DCUN1D5: variants seen among roughly 807,000 people sequenced by gnomAD.
DCUN1D5 encodes DCN1-like protein 5.
A neutral mutation model predicts 38.3 loss-of-function variants in DCUN1D5; 10 were observed. The observed-to-expected ratio is 0.26, with a 90% confidence interval of 0.16 to 0.44. The LOEUF is 0.44. Ranked by LOEUF, DCUN1D5 falls within the 20% of genes least tolerant of loss-of-function variation. The probability of loss-of-function intolerance (pLI) is 1.00; values close to 1 mark genes in which losing one functional copy is unlikely to be tolerated. For synonymous variants in DCUN1D5, 93 were observed against 90.9 expected (o/e 1.02, Z -0.13); for missense variants, 148 against 275.3 (o/e 0.54, Z 3.27).
In DCUN1D5 at chr11:103,073,693, G is replaced by A. The variant is rs565348126; in HGVS notation, c.342-7126C>T. ...GACTTACATGTAAAATTTAATAATG[G>A]AAGGCTTCTAGAAAAATACATGAGA... On this transcript the variant is annotated intron_variant, in intron 4 of 7. Coordinates refer to ENST00000260247, the MANE Select transcript of DCUN1D5 (RefSeq NM_032299.4). The surrounding 1 kb of genome is among the most constrained non-coding windows in gnomAD (Gnocchi z 4.2). 6.6e-6 allele frequency among the ~76,000 whole-genome samples: 1 copy of A among 152,216 alleles called. No homozygotes were observed. Among genetic ancestry groups the A allele is most frequent in the East Asian group, 1.9e-4 (1 of 5,188 alleles).
rs1008985572 is a variant in DCUN1D5, at chr11:103,073,176, A to C, written c.342-6609T>G. ...TAAAATACTTAGGTGTAATTCTAAC[A>C]AAAGATGTACAGGACGTATATGCCG... On this transcript the variant is annotated intron_variant, in intron 4 of 7. Transcript: ENST00000260247. This position sits in a 1 kb window ranked among gnomAD's most constrained non-coding sequence, Gnocchi z 4.2. Among the ~76,000 whole-genome samples the C allele has an allele frequency of 1.3e-5, 2 of 152,224 alleles. No homozygotes were observed. The highest frequency in any genetic ancestry group is 4.8e-5 in the African/African-American group (2 of 41,462).
Position 103,061,682 on chromosome 11 carries a change from A to G in DCUN1D5, c.*677T>C, listed in dbSNP as rs1225900123. ...TAAATATGCTATTATCAACAATAATAATGATGATACAACTTAATAATACAA... is the reference window on the plus strand; with the variant it reads ...TAAATATGCTATTATCAACAATAATGATGATGATACAACTTAATAATACAA... On this transcript the variant is annotated 3_prime_UTR_variant, in exon 8 of 8. Transcript: ENST00000260247. Among the ~76,000 whole-genome samples, 1 of 152,054 alleles carries G rather than the reference A, an allele frequency of 6.6e-6. No homozygotes were observed. The highest frequency in any genetic ancestry group is 2.4e-5 in the African/African-American group (1 of 41,426).
intron 4 of DCUN1D5, chr11:103,080,075 T>C (rs956637158): frequency 1.3e-5 from 2 of 152,190 alleles, no homozygotes; most frequent in Non-Finnish European, 2.9e-5. Context: ...AGATGACTAA[T>C]CATGATTATT....
Position 103,087,435 on chromosome 11 carries a change from G to C in DCUN1D5, c.178+1792C>G, listed in dbSNP as rs184262722. 4.2e-3 allele frequency among the ~76,000 whole-genome samples: 640 copies of C among 152,244 alleles called. 1 individual carries two copies. Among genetic ancestry groups the C allele is most frequent in the Admixed American group, 9.2e-3 (141 of 15,298 alleles). ...TCTGCCTACCTTGGCCTCCCAAAGT[G>C]CTGAGATTACAGACGTGAGCCACCA... is the stretch of plus-strand genomic sequence containing the variant. On this transcript the variant is annotated intron_variant, in intron 2 of 7. Transcript: ENST00000260247. The surrounding 1 kb of genome is among the most constrained non-coding windows in gnomAD (Gnocchi z 4.1).
At position 103,062,497 on chromosome 11, in the gene DCUN1D5, A is replaced by G; in HGVS notation, c.659-83T>C. On this transcript the variant is annotated intron_variant, in intron 7 of 7. Coordinates refer to ENST00000260247, the MANE Select transcript of DCUN1D5 (RefSeq NM_032299.4). The surrounding 1 kb of genome is among the most constrained non-coding windows in gnomAD (Gnocchi z 4.6). Reference sequence around the variant, plus strand: ...AAACAAACTCCCCACGAGCTCTGCAATGACAGAGGAATGACCCTTCCTTTC... The same window carrying G: ...AAACAAACTCCCCACGAGCTCTGCAGTGACAGAGGAATGACCCTTCCTTTC... 1 of 1,178,344 alleles carries G rather than the reference A, an allele frequency of 8.5e-7. No individual in the cohort carries two copies. Among genetic ancestry groups the G allele is most frequent in the Non-Finnish European group, 1.2e-6 (1 of 804,260 alleles). 73.0% of individuals were successfully genotyped at this position (1,178,344 alleles called of 1,614,324 possible). A position where few individuals can be genotyped will look rare whatever the true frequency, so the allele number is the denominator to read the frequency against.
At position 103,066,090 on chromosome 11, in the gene DCUN1D5, A is replaced by T. The variant is rs187947506; in HGVS notation, c.555+179T>A. On this transcript the variant is annotated intron_variant, in intron 6 of 7. Coordinates refer to ENST00000260247, the MANE Select transcript of DCUN1D5 (RefSeq NM_032299.4). This position sits in a 1 kb window ranked among gnomAD's most constrained non-coding sequence, Gnocchi z 4.7. ...AGGATTGAAAATATCTTAGGTACAA[A>T]ATATATTAATAAACATGAACTTCTA... Among the ~76,000 whole-genome samples the T allele has an allele frequency of 3.3e-5, 5 of 151,938 alleles. No individual in the cohort carries two copies. Among genetic ancestry groups the T allele is most frequent in the African/African-American group, 9.7e-5 (4 of 41,352 alleles).
rs1426861980 is a variant in DCUN1D5, at chr11:103,083,346, T to C, written c.179-20A>G. 2 of 1,418,892 alleles carry C rather than the reference T, an allele frequency of 1.4e-6. No homozygotes were observed. Among genetic ancestry groups the C allele is most frequent in the South Asian group, 1.2e-5 (1 of 85,770 alleles). 87.9% of individuals were successfully genotyped at this position (1,418,892 alleles called of 1,614,324 possible). A position where few individuals can be genotyped will look rare whatever the true frequency, so the allele number is the denominator to read the frequency against. ...CAGGACCTTCAAAGACAAAAATAAT[T>C]AACATATTTTGTTATAATATCAACA... On this transcript the variant is annotated intron_variant, in intron 2 of 7. Transcript: ENST00000260247. The surrounding 1 kb of genome is among the most constrained non-coding windows in gnomAD (Gnocchi z 4.4).
intron 4 of DCUN1D5, among the ~76,000 whole-genome samples, chr11:103,069,060 G>T (rs1184829072): frequency 6.6e-6 from 1 of 152,090 alleles, no homozygotes; most frequent in Non-Finnish European, 1.5e-5. Flanking sequence ...AGATAAAAGA[G>T]GCACTAACTT....
intron 1 of DCUN1D5, among the ~76,000 whole-genome samples, chr11:103,090,028 A>C (rs1381129759): frequency 6.6e-6 from 1 of 152,144 alleles, no homozygotes; most frequent in Non-Finnish European, 1.5e-5. Context: ...AATGGCCTTC[A>C]GAGAAACTTT....
rs2509119 is a variant in DCUN1D5, at chr11:103,065,799, C to G, written c.555+470G>C. Among the ~76,000 whole-genome samples the G allele has an allele frequency of 2.0e-5, 3 of 151,728 alleles. No homozygotes were observed. Among genetic ancestry groups the G allele is most frequent in the African/African-American group, 7.3e-5 (3 of 41,290 alleles). ...ATTATAGCCATTCTCATATTTGTGG[C>G]CATAAAATATTAATAGCTTTATTCT... is the stretch of plus-strand genomic sequence containing the variant. On this transcript the variant is annotated intron_variant, in intron 6 of 7. Transcript: ENST00000260247. This position sits in a 1 kb window ranked among gnomAD's most constrained non-coding sequence, Gnocchi z 4.6.
rs745917130 is a variant in DCUN1D5, at chr11:103,051,696, C to T, written c.*10663G>A. On this transcript the variant is annotated 3_prime_UTR_variant, in exon 8 of 8. Coordinates refer to ENST00000260247, the MANE Select transcript of DCUN1D5 (RefSeq NM_032299.4). ...TTACAAACACTTTTAAGTACAATAT[C>T]AATATGCACATCAATCTTACCTCTA... 2.2e-4 allele frequency: 34 copies of T among 152,104 alleles called. No homozygotes were observed. The highest frequency in any genetic ancestry group is 4.4e-4 in the Non-Finnish European group (30 of 68,026). 9.4% of individuals were successfully genotyped at this position (152,104 alleles called of 1,614,324 possible).
In DCUN1D5 at chr11:103,087,145, G is replaced by A. The variant is rs377402538; in HGVS notation, c.178+2082C>T. ...GTTGGAGACCAGTTTGGGCAACATC[G>A]TGAAACCCCATTTCTTTTTTTCTTT... On this transcript the variant is annotated intron_variant, in intron 2 of 7. Coordinates refer to ENST00000260247, the MANE Select transcript of DCUN1D5 (RefSeq NM_032299.4). This position sits in a 1 kb window ranked among gnomAD's most constrained non-coding sequence, Gnocchi z 4.1. Among the ~76,000 whole-genome samples the A allele has an allele frequency of 4.6e-5, 7 of 151,072 alleles. No individual in the cohort carries two copies. The highest frequency in any genetic ancestry group is 1.3e-4 in the Admixed American group (2 of 15,190).
In DCUN1D5 at chr11:103,064,315, T is replaced by C. The variant is rs762534588; in HGVS notation, c.618A>G (p.Thr206=). Reference sequence around the variant, plus strand: ...CATAGTTACTAAGATCAGCATGGACTGTTCTGCTGAATTCTAATACATTGT... The same window carrying C: ...CATAGTTACTAAGATCAGCATGGACCGTTCTGCTGAATTCTAATACATTGT... ...QWYNVLEFSR[T]VHADLSNYDE... is the part of the protein sequence containing the mutation. The change falls in exon 7 of 8, where the codon ACA becomes ACG. Residue 206 remains threonine, a synonymous_variant. Transcript: ENST00000260247. The surrounding 1 kb of genome is among the most constrained non-coding windows in gnomAD (Gnocchi z 4.5). 6.2e-7 allele frequency: 1 copy of C among 1,611,678 alleles called. No individual in the cohort carries two copies. Among genetic ancestry groups the C allele is most frequent in the Admixed American group, 1.7e-5 (1 of 59,868 alleles).
rs1255740892 is a variant in DCUN1D5, at chr11:103,056,355, T to C, written c.*6004A>G. ...TACAGTCACACTGATCTCTTTACTGTTTCTTTACACTCTGTACCAGCTCAG... is the reference window on the plus strand; with the variant it reads ...TACAGTCACACTGATCTCTTTACTGCTTCTTTACACTCTGTACCAGCTCAG... On this transcript the variant is annotated 3_prime_UTR_variant, in exon 8 of 8. Coordinates refer to ENST00000260247, the MANE Select transcript of DCUN1D5 (RefSeq NM_032299.4). This position sits in a 1 kb window ranked among gnomAD's most constrained non-coding sequence, Gnocchi z 4.9. 6.6e-6 allele frequency among the ~76,000 whole-genome samples: 1 copy of C among 152,180 alleles called. No individual in the cohort carries two copies. The highest frequency in any genetic ancestry group is 1.5e-5 in the Non-Finnish European group (1 of 68,034).
intron 4 of DCUN1D5, among the ~76,000 whole-genome samples, chr11:103,069,833 A>T (rs1325432982): frequency 6.6e-4 from 100 of 152,330 alleles, no homozygotes; most frequent in Non-Finnish European, 1.5e-5. Flanking sequence ...TTCTCTTGCC[A>T]GAATAGCATT....
Position 103,089,152 on chromosome 11 carries a change from T to C in DCUN1D5, c.178+75A>G, listed in dbSNP as rs923942972. On this transcript the variant is annotated intron_variant, in intron 2 of 7. Transcript: ENST00000260247. Reference sequence around the variant, plus strand: ...TAACACATAGCAGGCCTGTAACAGATAATTTGTTAAATGAATAAGGCAAAT... The same window carrying C: ...TAACACATAGCAGGCCTGTAACAGACAATTTGTTAAATGAATAAGGCAAAT... The C allele has an allele frequency of 3.5e-6, 5 of 1,435,252 alleles. No individual in the cohort carries two copies. In the Admixed American group the frequency reaches 8.9e-5, roughly 25 times the overall value. The allele number at this position is 1,435,252 out of a possible 1,614,324, so 88.9% of individuals were successfully genotyped here.
At chr11:103,069,029 A>T (rs1286464137) in intron 4 of DCUN1D5, among the ~76,000 whole-genome samples, 3 of 152,158 alleles carry the variant, frequency 2.0e-5, no homozygotes, top group Admixed American at 2.0e-4. Context: ...GCTTTCAAAG[A>T]GTTTGATTCT....
In DCUN1D5 at chr11:103,091,509, A is replaced by T; in HGVS notation, c.86+278T>A. 1 of 421,194 alleles carries T rather than the reference A, an allele frequency of 2.4e-6. No homozygotes were observed. Among genetic ancestry groups the T allele is most frequent in the Non-Finnish European group, 4.4e-6 (1 of 227,974 alleles). The allele number at this position is 421,194 out of a possible 1,614,324, so 26.1% of individuals were successfully genotyped here. A position where few individuals can be genotyped will look rare whatever the true frequency, so the allele number is the denominator to read the frequency against. ...TGGGGGTGGGGGTGGGGGGAAGCGC[A>T]ATTTACATATGCATCTGTTCCCCAC... On this transcript the variant is annotated intron_variant, in intron 1 of 7. Transcript: ENST00000260247. This position sits in a 1 kb window ranked among gnomAD's most constrained non-coding sequence, Gnocchi z 4.3.
chr11:103,066,423 G>C lies in DCUN1D5; in HGVS notation c.450+36C>G. 11 of 1,590,520 alleles carry C rather than the reference G, an allele frequency of 6.9e-6. No individual in the cohort carries two copies. Among genetic ancestry groups the C allele is most frequent in the Non-Finnish European group, 9.5e-6 (11 of 1,162,988 alleles). ...CCTAAGTGTGGTCTCAAGATGAAAA[G>C]CTATTAAAACAACAAAACAAGAAAA... On this transcript the variant is annotated intron_variant, in intron 5 of 7. Transcript: ENST00000260247. The surrounding 1 kb of genome is among the most constrained non-coding windows in gnomAD (Gnocchi z 4.7).
Sources: allele counts gnomAD v4.1 joint callset (sites outside exome capture counted in the v4.1 genomes callset), GRCh38; gene constraint gnomAD v4.1.1; non-coding constraint Gnocchi (gnomAD v3.1); transcripts MANE v1.5; gene names NCBI Gene and HGNC (gene_info 2026-07-23, HGNC 2026-07-21).